Variants in CEP83 observed in about 807,000 individuals in gnomAD.
CEP83 encodes the protein centrosomal protein 83, also known as centrosomal protein of 83 kDa.
CEP83 carries 70 observed loss-of-function variants against 101.9 expected under a neutral mutation model. The ratio of observed to expected loss-of-function variants is 0.69; its 90% CI spans 0.57 to 0.84. The LOEUF is 0.84. Ranked by LOEUF, CEP83 falls within the 40% of genes least tolerant of loss-of-function variation. The pLI, the probability that CEP83 is intolerant of heterozygous loss-of-function variation, is 0.00. For missense variants in CEP83, 715 were observed against 787.2 expected, an observed-to-expected ratio of 0.91 and a Z score of 1.10; for synonymous variants, 264 against 267.9, an observed-to-expected ratio of 0.99 and a Z score of 0.14.
At chr12:94,414,988 A>T (rs892311470) in intron 2 of CEP83, among the ~76,000 whole-genome samples, 4 of 152,144 alleles carry the variant, frequency 2.6e-5, no homozygotes, top group Non-Finnish European at 4.4e-5. Context: ...TGCAAAGGGT[A>T]CAAGAAAAAA....
chr12:94,429,937 C>T (rs2065492393), intron 2 of CEP83, among the ~76,000 whole-genome samples: 1 of 152,176 alleles, frequency 6.6e-6, no homozygotes, highest in Non-Finnish European at 1.5e-5. Flanking sequence ...GCAACTCTGC[C>T]CTCCCCAGCA....
chr12:94,439,567 A>AAAG, intron 1 of CEP83, among the ~76,000 whole-genome samples: 1 of 152,166 alleles, frequency 6.6e-6, no homozygotes, highest in East Asian at 1.9e-4. Context: ...AAAAAAAAAA[A>AAAG]AAGTCCAGGA....
At chr12:94,410,430 T>TC (rs1177313682) in intron 4 of CEP83, among the ~76,000 whole-genome samples, 2 of 152,042 alleles carry the variant, frequency 1.3e-5, no homozygotes, top group Admixed American at 1.3e-4. Flanking sequence ...GGAAGAACTG[T>TC]CCCTTTTTTT....
At position 94,354,042 on chromosome 12, in the gene CEP83, A is replaced by C. The variant is rs77857858; in HGVS notation, c.1343+13752T>G. Among the ~76,000 whole-genome samples the C allele has an allele frequency of 2.9e-4, 44 of 152,364 alleles. 1 individual carries two copies. Among genetic ancestry groups the C allele is most frequent in the African/African-American group, 1.0e-3 (42 of 41,604 alleles). On this transcript the variant is annotated intron_variant, in intron 11 of 16. Transcript: ENST00000397809. Reference sequence around the variant, plus strand: ...GAAAGATAGACACCAATGCAATAATAGTAGAGGATTTCAATACCCCACTCT... The same window carrying C: ...GAAAGATAGACACCAATGCAATAATCGTAGAGGATTTCAATACCCCACTCT...
intron 6 of CEP83, among the ~76,000 whole-genome samples, chr12:94,395,820 CAAGAAAAAAAAAG>C (rs2137478629): frequency 6.6e-6 from 1 of 151,628 alleles, no homozygotes; most frequent in East Asian, 1.9e-4. Flanking sequence ...GATTCTGTCT[CAAGAAAAAAAAAG>C]AAGAAATAAA....
chr12:94,306,998 C>T (rs1447439873), downstream of CEP83: 3 of 152,178 alleles, frequency 2.0e-5, no homozygotes, highest in Admixed American at 2.0e-4. Context: ...AAGAGAACAA[C>T]AGTAGGAAAG....
the CEP83 span, chr12:94,279,916 T>A: frequency 5.0e-6 from 3 of 594,070 alleles, no homozygotes; most frequent in Non-Finnish European, 9.4e-6. Flanking sequence ...ATCAGATTGA[T>A]GAGATTGCAG....
chr12:94,398,519 G>A (rs1429331946), intron 6 of CEP83, among the ~76,000 whole-genome samples: 2 of 152,092 alleles, frequency 1.3e-5, no homozygotes, highest in Admixed American at 6.5e-5. Context: ...ATCTTCATAA[G>A]CTGAGGATGT....
chr12:94,426,195 C>A (rs1453362969), intron 2 of CEP83, among the ~76,000 whole-genome samples: 1 of 151,980 alleles, frequency 6.6e-6, no homozygotes, highest in Non-Finnish European at 1.5e-5. Context: ...GCTTCCTGAG[C>A]ACATACTGCT....
At chr12:94,367,720 C>T in intron 11 of CEP83, 74 bp downstream of exon 11, 1 of 1,029,212 alleles carries the variant, frequency 9.7e-7, no homozygotes, top group Non-Finnish European at 1.4e-6. Flanking sequence ...ATTCTTTGTA[C>T]TAGTTGTACA....
rs1273407232 is a variant in CEP83, at chr12:94,446,025, AG to A, written c.-154-10699del. Among the ~76,000 whole-genome samples, 6 of 152,218 alleles carry A rather than the reference AG, an allele frequency of 3.9e-5. No individual in the cohort carries two copies. In the East Asian group the frequency reaches 1.2e-3, roughly 29 times the overall value. On this transcript the variant is annotated intron_variant, in intron 1 of 16. Coordinates refer to ENST00000397809, the MANE Select transcript of CEP83 (RefSeq NM_016122.3). ...GCATGACAATACTATGTAGTACAAA[AG>A]CACTCTTATCAAGCCTGCCATATTT...
chr12:94,443,344 A>G (rs1050420327), intron 1 of CEP83, among the ~76,000 whole-genome samples: 5 of 152,208 alleles, frequency 3.3e-5, no homozygotes, highest in Non-Finnish European at 5.9e-5. Context: ...CAAATCACAG[A>G]GTCAAACCTG....
intron 8 of CEP83, among the ~76,000 whole-genome samples, chr12:94,374,431 T>C (rs370613406): frequency 6.6e-6 from 1 of 152,198 alleles, no homozygotes; most frequent in Admixed American, 6.5e-5. Context: ...AAATTGAAAA[T>C]AATTTATACT....
intron 12 of CEP83, among the ~76,000 whole-genome samples, 190 bp downstream of exon 12, chr12:94,335,399 G>A (rs2059406201): frequency 1.3e-5 from 2 of 151,818 alleles, no homozygotes; most frequent in Non-Finnish European, 2.9e-5. Flanking sequence ...GTTAGCCAAA[G>A]AAGCTTATTA....
intron 11 of CEP83, among the ~76,000 whole-genome samples, chr12:94,359,791 T>C (rs925571608): frequency 6.6e-6 from 1 of 152,040 alleles, no homozygotes; most frequent in Non-Finnish European, 1.5e-5. Flanking sequence ...AGGCCAGCAT[T>C]ACCCTGACAC....
intron 9 of CEP83, chr12:94,369,018 T>C (rs571153523): frequency 6.6e-6 from 1 of 152,294 alleles, no homozygotes; most frequent in Admixed American, 6.5e-5. Context: ...TCATAAACTC[T>C]GTCTGAAATG....
At chr12:94,337,943 G>A (rs1365034898) in intron 11 of CEP83, among the ~76,000 whole-genome samples, 1 of 152,116 alleles carries the variant, frequency 6.6e-6, no homozygotes, top group South Asian at 2.1e-4. Flanking sequence ...TTATGTACAA[G>A]TAAGAACATC....
At chr12:94,389,531 G>A (rs1004606646) in intron 6 of CEP83, among the ~76,000 whole-genome samples, 14 of 152,108 alleles carry the variant, frequency 9.2e-5, no homozygotes, top group African/African-American at 2.2e-4. Context: ...GAACAGCTCC[G>A]GTCTGCAGCT....
chr12:94,371,885 T>C (rs184627314), intron 8 of CEP83, among the ~76,000 whole-genome samples: 107 of 152,322 alleles, frequency 7.0e-4, no homozygotes, highest in Non-Finnish European at 1.3e-3. Flanking sequence ...TACTGGTAAC[T>C]ACAATAAGAC....
Sources: allele counts gnomAD v4.1 joint callset (sites outside exome capture counted in the v4.1 genomes callset), GRCh38; gene constraint gnomAD v4.1.1; transcripts MANE v1.5; gene names NCBI Gene and HGNC (gene_info 2026-07-23, HGNC 2026-07-21).